NFE2L1: variants seen among roughly 807,000 people sequenced by gnomAD.
The protein encoded by NFE2L1 is NFE2 like bZIP transcription factor 1, also known as endoplasmic reticulum membrane sensor NFE2L1.
Under a neutral mutation model 61.6 loss-of-function variants are expected in NFE2L1, and 18 were observed. That is an observed-to-expected ratio of 0.29 (90% CI 0.20 to 0.43). The LOEUF (loss-of-function observed/expected upper bound fraction) is 0.43, where lower values mean the gene tolerates loss of function less well. Ranked by LOEUF, NFE2L1 falls within the 20% of genes least tolerant of loss-of-function variation. The pLI is 1.00. For synonymous variants in NFE2L1, 419 were observed against 402.7 expected (o/e 1.04, Z -0.48); for missense variants, 827 against 973.5 (o/e 0.85, Z 2.00).
chr17:48,051,387 T>C lies in NFE2L1; in HGVS notation c.269T>C (p.Leu90Pro). 6.2e-7 allele frequency: 1 copy of C among 1,614,144 alleles called. No homozygotes were observed. The highest frequency in any genetic ancestry group is 8.5e-7 in the Non-Finnish European group (1 of 1,180,014). ...ARRLLSQVRALDRFQVPTTEV... is the reference protein window; with the variant it reads ...ARRLLSQVRAPDRFQVPTTEV... ...CGGCTCCTCAGTCAGGTGAGGGCCC[T>C]GGACAGGTTCCAGGTGCCAACCACT... is the stretch of plus-strand genomic sequence containing the variant. The change falls in exon 2 of 6, where the codon CTG (leucine) becomes CCG (proline). Residue 90 changes from leucine to proline, a missense_variant. Around this residue, in one of 3 missense-constraint regions of NFE2L1, gnomAD observed 667 missense variants for 748.4 expected, o/e 0.89. Coordinates refer to ENST00000362042, the MANE Select transcript of NFE2L1 (RefSeq NM_003204.3).
intron 1 of NFE2L1, among the ~76,000 whole-genome samples, chr17:48,049,806 CCA>C (rs1202058805): frequency 6.6e-6 from 1 of 152,208 alleles, no homozygotes; most frequent in Non-Finnish European, 1.5e-5. Context: ...TTTTGTCCTT[CCA>C]CACTCTCACT....
rs769536773 is a variant in NFE2L1 at position 48,059,539 on chromosome 17, G to C, written c.2217G>C (p.Ala739=). Reference sequence around the variant, plus strand: ...GACCCTACTCGCCCAGTCAGTATGCGCTCCAGTACGCCGGGGACGGCAGTG... The same window carrying C: ...GACCCTACTCGCCCAGTCAGTATGCCCTCCAGTACGCCGGGGACGGCAGTG... ...NGRPYSPSQY[A]LQYAGDGSVL... Residue 739 remains alanine (A), a synonymous_variant, in exon 6 of 6, where the codon GCG becomes GCC. Transcript: ENST00000362042. This position sits in a 1 kb window ranked among gnomAD's most constrained non-coding sequence, Gnocchi z 6.1. 2.5e-6 allele frequency: 4 copies of C among 1,612,800 alleles called. No individual in the cohort carries two copies. The African/African-American group carries it at 5.3e-5, about 22-fold the overall frequency.
chr17:48,056,404 A>G lies in NFE2L1; in HGVS notation c.529A>G (p.Ile177Val), dbSNP rs760316808. ...CTTTCAGGACATAGATCTGATTGAC[A>G]TCCTTTGGCGACAGGATATTGATCT... is the stretch of plus-strand genomic sequence containing the variant. ...LTKEDIDLID[I>V]LWRQDIDLGA... Residue 177 changes from isoleucine (I) to valine (V), a missense_variant, in exon 3 of 6, where the codon ATC becomes GTC. By Grantham distance (29) the Ile-to-Val change is conservative. Around this residue, in one of 3 missense-constraint regions of NFE2L1, gnomAD observed 667 missense variants for 748.4 expected, o/e 0.89. Coordinates refer to ENST00000362042, the MANE Select transcript of NFE2L1 (RefSeq NM_003204.3). 2 of 1,614,052 alleles carry G rather than the reference A, an allele frequency of 1.2e-6. No individual in the cohort carries two copies. The highest frequency in any genetic ancestry group is 1.1e-5 in the South Asian group (1 of 91,094).
At position 48,058,285 on chromosome 17, in the gene NFE2L1, C is replaced by T. The variant is rs1215045718; in HGVS notation, c.973-10C>T. On this transcript the variant is annotated splice_polypyrimidine_tract_variant and intron_variant, in intron 5 of 5. Coordinates refer to ENST00000362042, the MANE Select transcript of NFE2L1 (RefSeq NM_003204.3). ...TCCTAGTGAACAGTGGTGCTCTTCT[C>T]CCCTCCCAGGCCATGGAAGTGAACA... The T allele has an allele frequency of 1.3e-6, 2 of 1,551,668 alleles. No individual in the cohort carries two copies. The highest frequency in any genetic ancestry group is 1.9e-5 in the Admixed American group (1 of 52,964).
chr17:48,049,365 C>A (rs759443638), intron 1 of NFE2L1, among the ~76,000 whole-genome samples: 3 of 152,158 alleles, frequency 2.0e-5, no homozygotes, highest in Non-Finnish European at 4.4e-5. Context: ...CCATCCCTCT[C>A]CTTTTTTTCT....
rs2037244626 is a variant in NFE2L1, at chr17:48,051,345, A to G, written c.227A>G (p.Asn76Ser). 6.2e-7 allele frequency: 1 copy of G among 1,613,972 alleles called. No homozygotes were observed. The highest frequency in any genetic ancestry group is 8.5e-7 in the Non-Finnish European group (1 of 1,180,030). The part of the protein sequence containing the change: ...GIHPKSIDLD[N>S]YFTARRLLSQ... Reference sequence around the variant, plus strand: ...CACCCCAAGAGCATAGACCTGGACAATTACTTCACTGCCCGGCGGCTCCTC... The same window carrying G: ...CACCCCAAGAGCATAGACCTGGACAGTTACTTCACTGCCCGGCGGCTCCTC... The change falls in exon 2 of 6, where the codon AAT becomes AGT. Residue 76 changes from asparagine to serine, a missense_variant. Physicochemically the swap from Asn to Ser is conservative, Grantham distance 46 (BLOSUM62 1). Coordinates refer to ENST00000362042, the MANE Select transcript of NFE2L1 (RefSeq NM_003204.3).
intron 3 of NFE2L1, 21 bp from the exon 4 acceptor site, chr17:48,057,011 T>C: frequency 6.2e-7 from 1 of 1,613,590 alleles, no homozygotes; most frequent in East Asian, 2.2e-5. Flanking sequence ...TCAATCAGAC[T>C]TACAGTTCCT....
intron 3 of NFE2L1, 62 bp downstream of exon 3, chr17:48,056,660 CT>C (rs2037409172): frequency 6.4e-7 from 1 of 1,570,398 alleles, no homozygotes; most frequent in African/African-American, 1.4e-5. Flanking sequence ...ACAAACCAGG[CT>C]GGAGTTCTTC....
At position 48,059,763 on chromosome 17, in the gene NFE2L1, G is replaced by A. The variant is rs940460398; in HGVS notation, c.*122G>A. The stretch of plus-strand genomic sequence containing the variant: ...CCTTCTTATCCAATATATCTTCTCA[G>A]ATGGGATGACTGCGGGTCAGTGTAC... On this transcript the variant is annotated 3_prime_UTR_variant, in exon 6 of 6. Coordinates refer to ENST00000362042, the MANE Select transcript of NFE2L1 (RefSeq NM_003204.3). This position sits in a 1 kb window ranked among gnomAD's most constrained non-coding sequence, Gnocchi z 6.1. 2.9e-6 allele frequency: 4 copies of A among 1,380,936 alleles called. No individual in the cohort carries two copies. Among genetic ancestry groups the A allele is most frequent in the Non-Finnish European group, 3.8e-6 (4 of 1,048,590 alleles). 85.5% of individuals were successfully genotyped at this position (1,380,936 alleles called of 1,614,324 possible).
chr17:48,048,949 T>A (rs1387997430), intron 1 of NFE2L1: 1 of 152,668 alleles, frequency 6.6e-6, no homozygotes, highest in African/African-American at 2.4e-5. Flanking sequence ...TTCCTCGAAC[T>A]TAATTGGCTC....
Position 48,054,655 on chromosome 17 carries a change from G to A in NFE2L1, c.511-1731G>A, listed in dbSNP as rs556079647. ...GCAGCCTAGGTAACAAGTTTGGGGG[G>A]CGTGGGGGGGAGGAGCGGGAGGATA... On this transcript the variant is annotated intron_variant, in intron 2 of 5. Transcript: ENST00000362042. 1.9e-5 allele frequency: 24 copies of A among 1,259,962 alleles called. No individual in the cohort carries two copies. In the East Asian group the frequency reaches 6.7e-4, roughly 35 times the overall value. The allele number at this position is 1,259,962 out of a possible 1,614,324, so 78.0% of individuals were successfully genotyped here. A position where few individuals can be genotyped will look rare whatever the true frequency, so the allele number is the denominator to read the frequency against.
rs1394159341 is a variant in NFE2L1 at position 48,059,643 on chromosome 17, C to T, written c.*2C>T. 1 of 1,541,020 alleles carries T rather than the reference C, an allele frequency of 6.5e-7. No individual in the cohort carries two copies. The highest frequency in any genetic ancestry group is 8.7e-7 in the Non-Finnish European group (1 of 1,144,444). On this transcript the variant is annotated 3_prime_UTR_variant, in exon 6 of 6. Transcript: ENST00000362042. This position sits in a 1 kb window ranked among gnomAD's most constrained non-coding sequence, Gnocchi z 6.1. ...AAGCCAAAGGACCGGAGAAAGTGAG[C>T]CTGGGGAAGAAGGGGGTTTGAAGCC... is the stretch of plus-strand genomic sequence containing the variant.
intron 2 of NFE2L1, among the ~76,000 whole-genome samples, chr17:48,052,610 CTT>C (rs2037282371): frequency 1.3e-5 from 2 of 152,198 alleles, no homozygotes; most frequent in Non-Finnish European, 2.9e-5. Flanking sequence ...GCTCTGTAGT[CTT>C]TTCCTGAGCT....
Position 48,051,559 on chromosome 17 carries a change from G to A in NFE2L1, c.441G>A (p.Gln147=), listed in dbSNP as rs556475552. ...GGGTGCGAGAAAGCGAAACGGAGCA[G>A]GGATTCGGTGAAGATTTGGAGGATT... is the stretch of plus-strand genomic sequence containing the variant. The part of the protein sequence containing the change: ...DNGVRESETE[Q]GFGEDLEDLG... The change falls in exon 2 of 6, where the codon CAG becomes CAA. Residue 147 remains glutamine, a synonymous_variant. Transcript: ENST00000362042. The A allele has an allele frequency of 3.3e-5, 53 of 1,614,244 alleles. No homozygotes were observed. The South Asian group carries it at 5.6e-4, about 17-fold the overall frequency.
intron 1 of NFE2L1, chr17:48,048,785 C>G (rs1328830609): frequency 1.3e-5 from 2 of 152,690 alleles, no homozygotes; most frequent in African/African-American, 4.8e-5. Context: ...GGAAGTAGCA[C>G]TTGTTCGCTG....
At position 48,051,516 on chromosome 17, in the gene NFE2L1, T is replaced by G. The variant is rs1170851172; in HGVS notation, c.398T>G (p.Val133Gly). Residue 133 changes from valine to glycine, a missense_variant, in exon 2 of 6, where the codon GTG becomes GGG. By Grantham distance (109) the Val-to-Gly change is moderately radical. This residue lies in a region of NFE2L1 where 667 missense variants were observed against 748.4 expected (regional missense o/e 0.89). Transcript: ENST00000362042. ...ALESSSGLQD[V>G]TGPDNGVRES... Reference sequence around the variant, plus strand: ...GAGAGTTCCAGTGGCCTCCAAGATGTGACAGGCCCAGACAACGGGGTGCGA... The same window carrying G: ...GAGAGTTCCAGTGGCCTCCAAGATGGGACAGGCCCAGACAACGGGGTGCGA... 6.2e-7 allele frequency: 1 copy of G among 1,613,850 alleles called. No individual in the cohort carries two copies. Among genetic ancestry groups the G allele is most frequent in the South Asian group, 1.1e-5 (1 of 91,088 alleles).
chr17:48,049,378 C>T (rs1357573179), intron 1 of NFE2L1, among the ~76,000 whole-genome samples: 1 of 151,958 alleles, frequency 6.6e-6, no homozygotes, highest in East Asian at 1.9e-4. Context: ...TTTTTTCTTT[C>T]CTTTTCTTTT....
intron 2 of NFE2L1, chr17:48,055,170 C>CTAAAG (rs150160489): frequency 0.024 from 32,143 of 1,333,124 alleles, 465 homozygotes; most frequent in Non-Finnish European, 0.028. Flanking sequence ...TGTGGGGAGA[C>CTAAAG]TAAAGTAGTA....
rs1029980989 is a variant in NFE2L1 at position 48,059,767 on chromosome 17, G to A, written c.*126G>A. On this transcript the variant is annotated 3_prime_UTR_variant, in exon 6 of 6. Transcript: ENST00000362042. The surrounding 1 kb of genome is among the most constrained non-coding windows in gnomAD (Gnocchi z 6.1). ...CTTATCCAATATATCTTCTCAGATG[G>A]GATGACTGCGGGTCAGTGTACAGGA... 2 of 1,353,188 alleles carry A rather than the reference G, an allele frequency of 1.5e-6. No homozygotes were observed. The highest frequency in any genetic ancestry group is 5.7e-5 in the Admixed American group (2 of 34,910). 83.8% of individuals were successfully genotyped at this position (1,353,188 alleles called of 1,614,324 possible). A position where few individuals can be genotyped will look rare whatever the true frequency, so the allele number is the denominator to read the frequency against.
Sources: allele counts gnomAD v4.1 joint callset (sites outside exome capture counted in the v4.1 genomes callset), GRCh38; gene constraint gnomAD v4.1.1; regional missense constraint gnomAD v4.1.1; non-coding constraint Gnocchi (gnomAD v3.1); transcripts MANE v1.5; gene names NCBI Gene and HGNC (gene_info 2026-07-23, HGNC 2026-07-21).